FGF12: variants seen among roughly 807,000 people sequenced by gnomAD.
FGF12 encodes the protein fibroblast growth factor 12B.
A neutral mutation model predicts 23.6 loss-of-function variants in FGF12; 14 were observed. The ratio of observed to expected loss-of-function variants is 0.59; its 90% CI spans 0.39 to 0.93. The LOEUF (loss-of-function observed/expected upper bound fraction) is 0.93. Ranked by LOEUF, FGF12 falls within the 40% of genes least tolerant of loss-of-function variation. FGF12 has a pLI of 0.00. For synonymous variants in FGF12, 62 were observed against 77.3 expected (o/e 0.80, Z 1.04); for missense variants, 175 against 217.8 (o/e 0.80, Z 1.24).
intron 2 of FGF12, among the ~76,000 whole-genome samples, chr3:192,550,918 TC>T (rs759717521): frequency 7.9e-5 from 12 of 152,168 alleles, no homozygotes; most frequent in Non-Finnish European, 1.5e-4. Flanking sequence ...TATTTTAGCT[TC>T]CTCTCCCTGG....
chr3:192,694,332 G>T (rs1299196527), intron 2 of FGF12, among the ~76,000 whole-genome samples: 2 of 152,088 alleles, frequency 1.3e-5, no homozygotes, highest in African/African-American at 4.8e-5. Flanking sequence ...CGAACAGTAT[G>T]AAAGTTCCTC....
chr3:192,577,503 T>C (rs1456980143), intron 2 of FGF12, among the ~76,000 whole-genome samples: 2 of 152,224 alleles, frequency 1.3e-5, no homozygotes, highest in Non-Finnish European at 2.9e-5. Flanking sequence ...CCTGGAATGC[T>C]ATGTGCATTT....
At chr3:192,244,847 T>TA (rs1719802603) in intron 4 of FGF12, 1 of 152,174 alleles carries the variant, frequency 6.6e-6, no homozygotes, top group South Asian at 2.1e-4. Context: ...TTAATGCAGC[T>TA]TTACCTTACT....
intron 4 of FGF12, among the ~76,000 whole-genome samples, chr3:192,258,691 T>C (rs1022963989): frequency 1.3e-5 from 2 of 152,132 alleles, no homozygotes; most frequent in Non-Finnish European, 2.9e-5. Context: ...ATAAAAACTT[T>C]TGGGTGACTC....
chr3:192,400,310 G>C (rs1720703949), intron 2 of FGF12, among the ~76,000 whole-genome samples: 2 of 151,730 alleles, frequency 1.3e-5, no homozygotes, highest in Non-Finnish European at 2.9e-5. Context: ...TATATATATG[G>C]GTATTGTAAA....
chr3:192,148,807 T>C (rs1713872562), intron 5 of FGF12, among the ~76,000 whole-genome samples: 1 of 152,044 alleles, frequency 6.6e-6, no homozygotes, highest in Non-Finnish European at 1.5e-5. Flanking sequence ...ACTGAGGAGG[T>C]ACAGGGCGAG....
intron 2 of FGF12, among the ~76,000 whole-genome samples, chr3:192,725,504 A>G (rs977825240): frequency 2.0e-5 from 3 of 152,176 alleles, no homozygotes; most frequent in African/African-American, 7.2e-5. Flanking sequence ...CTAGAACTCT[A>G]CTGTTAGCAA....
intron 4 of FGF12, among the ~76,000 whole-genome samples, chr3:192,278,790 T>C (rs1713958828): frequency 6.6e-6 from 1 of 152,146 alleles, no homozygotes; most frequent in African/African-American, 2.4e-5. Context: ...AAAAAACCCT[T>C]AACTACAGTA....
intron 2 of FGF12, among the ~76,000 whole-genome samples, chr3:192,390,950 G>C (rs1439407935): frequency 1.3e-5 from 2 of 152,178 alleles, no homozygotes; most frequent in Non-Finnish European, 2.9e-5. Flanking sequence ...AATTGCATTT[G>C]CGTTCCCAGT....
Position 192,143,970 on chromosome 3 carries a change from G to C in FGF12, c.*39C>G, listed in dbSNP as rs939315978. On this transcript the variant is annotated 3_prime_UTR_variant, in exon 6 of 6. Coordinates refer to ENST00000445105, the MANE Select transcript of FGF12 (RefSeq NM_004113.6). The stretch of plus-strand genomic sequence containing the variant: ...ATGGGTAAATGGGAAGGAAGGGAAG[G>C]GGAAGGGATGAGAGAGGGAAGAAGG... 1 of 1,217,476 alleles carries C rather than the reference G, an allele frequency of 8.2e-7. No individual in the cohort carries two copies. The highest frequency in any genetic ancestry group is 1.5e-5 in the African/African-American group (1 of 66,864). 75.4% of individuals were successfully genotyped at this position (1,217,476 alleles called of 1,614,324 possible). A position where few individuals can be genotyped will look rare whatever the true frequency, so the allele number is the denominator to read the frequency against.
intron 4 of FGF12, among the ~76,000 whole-genome samples, chr3:192,234,299 A>T (rs1409781595): frequency 6.6e-6 from 1 of 152,058 alleles, no homozygotes; most frequent in African/African-American, 2.4e-5. Context: ...TAGGTACTTG[A>T]TTCCTTTTGT....
intron 2 of FGF12, among the ~76,000 whole-genome samples, chr3:192,683,809 G>A (rs2108710830): frequency 6.6e-6 from 1 of 152,270 alleles, no homozygotes; most frequent in Admixed American, 6.5e-5. Flanking sequence ...ACAGGCAACA[G>A]AATTGAAATC....
At chr3:192,195,593 T>G (rs1717024492) in intron 4 of FGF12, among the ~76,000 whole-genome samples, 1 of 152,232 alleles carries the variant, frequency 6.6e-6, no homozygotes. Flanking sequence ...TCTAGTTTTC[T>G]GTAAGTATAC....
chr3:192,197,735 G>A lies in FGF12; in HGVS notation c.229-27079C>T, dbSNP rs181684874. 9.3e-4 allele frequency among the ~76,000 whole-genome samples: 141 copies of A among 152,056 alleles called. 1 individual carries two copies. The highest frequency in any genetic ancestry group is 3.3e-3 in the African/African-American group (137 of 41,486). On this transcript the variant is annotated intron_variant, in intron 4 of 5. Transcript: ENST00000445105. ...CGAGGCGGGAAGATCACCTGAGGTC[G>A]GGAGTTTGAGACCAGCCTGACCAAC...
intron 2 of FGF12, chr3:192,515,218 G>T (rs1724627656): frequency 6.6e-6 from 1 of 152,204 alleles, no homozygotes; most frequent in South Asian, 2.1e-4. Flanking sequence ...AGGGCTGCGC[G>T]GCTTCCAGCC....
intron 2 of FGF12, among the ~76,000 whole-genome samples, chr3:192,486,112 G>A (rs140249102): frequency 6.6e-6 from 1 of 152,178 alleles, no homozygotes; most frequent in East Asian, 1.9e-4. Context: ...AAAGAATACA[G>A]CACCAAACCA....
At chr3:192,299,886 C>A (rs1204163263) in intron 4 of FGF12, among the ~76,000 whole-genome samples, 2 of 152,176 alleles carry the variant, frequency 1.3e-5, no homozygotes, top group Non-Finnish European at 2.9e-5. Flanking sequence ...ATAGTCTTTC[C>A]ACAGATACAT....
chr3:192,285,747 T>G (rs1714412027), intron 4 of FGF12, among the ~76,000 whole-genome samples: 1 of 152,058 alleles, frequency 6.6e-6, no homozygotes, highest in Non-Finnish European at 1.5e-5. Flanking sequence ...CTTTAGTAAT[T>G]AAAACTTCTT....
intron 2 of FGF12, among the ~76,000 whole-genome samples, chr3:192,454,383 C>G (rs945160443): frequency 6.6e-6 from 1 of 152,050 alleles, no homozygotes. Flanking sequence ...TTTCCACAGT[C>G]CTTATCAAAA....
Sources: allele counts gnomAD v4.1 joint callset (sites outside exome capture counted in the v4.1 genomes callset), GRCh38; gene constraint gnomAD v4.1.1; transcripts MANE v1.5; gene names NCBI Gene and HGNC (gene_info 2026-07-23, HGNC 2026-07-21).